Variants in ZNF385D observed in about 807,000 individuals in gnomAD.
The protein encoded by ZNF385D is zinc finger protein 385D, also known as zinc finger protein 659.
ZNF385D carries 15 observed loss-of-function variants against 35.8 expected under a neutral mutation model. That is an observed-to-expected ratio of 0.42 (90% CI 0.28 to 0.64). The LOEUF (loss-of-function observed/expected upper bound fraction) is 0.64. ZNF385D is among the 30% of genes least tolerant of loss of function. The pLI, the probability that ZNF385D is intolerant of heterozygous loss-of-function variation, is 0.23. For missense variants in ZNF385D, 474 were observed against 494.6 expected, an observed-to-expected ratio of 0.96 and a Z score of 0.39; for synonymous variants, 212 against 186.8, an observed-to-expected ratio of 1.13 and a Z score of -1.10.
chr3:21,954,205 G>A (rs115220990), intron 3 of ZNF385D, among the ~76,000 whole-genome samples: 4,493 of 151,684 alleles, frequency 0.03, 93 homozygotes, highest in Non-Finnish European at 0.044. Flanking sequence ...CAGTTTCTTT[G>A]CTGTAACAAG....
At chr3:22,003,413 AAG>A (rs1184798755) in intron 3 of ZNF385D, among the ~76,000 whole-genome samples, 3 of 152,218 alleles carry the variant, frequency 2.0e-5, no homozygotes, top group Non-Finnish European at 2.9e-5. Flanking sequence ...ACACTCATGA[AAG>A]AAATTAAAGA....
At chr3:21,704,578 G>A (rs766080313) in intron 1 of ZNF385D, among the ~76,000 whole-genome samples, 24 of 151,030 alleles carry the variant, frequency 1.6e-4, no homozygotes, top group Non-Finnish European at 2.5e-4. Context: ...GTGTGATCTC[G>A]GCTCACTGCA....
chr3:22,304,478 T>C (rs1213071233), intron 2 of ZNF385D, among the ~76,000 whole-genome samples: 1 of 152,204 alleles, frequency 6.6e-6, no homozygotes, highest in Non-Finnish European at 1.5e-5. Flanking sequence ...CCTTTACGTG[T>C]TACACATTTT....
At chr3:21,801,614 G>T (rs1333916470) in intron 3 of ZNF385D, among the ~76,000 whole-genome samples, 2 of 152,066 alleles carry the variant, frequency 1.3e-5, no homozygotes, top group African/African-American at 4.8e-5. Context: ...ATCTACTGTA[G>T]CAGAGCCATT....
At chr3:22,295,843 T>C (rs1013217938) in intron 2 of ZNF385D, among the ~76,000 whole-genome samples, 1 of 152,140 alleles carries the variant, frequency 6.6e-6, no homozygotes, top group Non-Finnish European at 1.5e-5. Context: ...CTACCACCCC[T>C]GCCTCACGGC....
At chr3:21,754,093 T>C (rs1455014350), upstream of ZNF385D, among the ~76,000 whole-genome samples, 1 of 152,214 alleles carries the variant, frequency 6.6e-6, no homozygotes, top group Admixed American at 6.5e-5. Context: ...CATCCACTAG[T>C]GGAAACCTTG....
chr3:22,132,351 T>G (rs1234228765), intron 3 of ZNF385D, among the ~76,000 whole-genome samples: 2 of 152,160 alleles, frequency 1.3e-5, no homozygotes, highest in East Asian at 3.9e-4. Context: ...GTGTTCTAAT[T>G]TTGGACTTCC....
chr3:21,429,219 AAACC>A (rs1300602576), intron 5 of ZNF385D, among the ~76,000 whole-genome samples: 1 of 151,968 alleles, frequency 6.6e-6, no homozygotes, highest in African/African-American at 2.4e-5. Flanking sequence ...TTTAAGGAAA[AAACC>A]CCCTAATTTC....
intron 3 of ZNF385D, among the ~76,000 whole-genome samples, chr3:22,001,104 A>G (rs562162005): frequency 9.9e-5 from 15 of 152,278 alleles, no homozygotes; most frequent in East Asian, 3.9e-4. Flanking sequence ...CAAAATAACC[A>G]GAAAGCAATT....
intron 4 of ZNF385D, among the ~76,000 whole-genome samples, chr3:21,492,166 C>T (rs959278829): frequency 6.6e-6 from 1 of 151,910 alleles, no homozygotes; most frequent in African/African-American, 2.4e-5. Context: ...ATCAGAAACT[C>T]CTTGTGCAGA....
intron 4 of ZNF385D, among the ~76,000 whole-genome samples, chr3:21,482,489 C>T (rs542994246): frequency 6.6e-6 from 1 of 152,268 alleles, no homozygotes; most frequent in South Asian, 2.1e-4. Flanking sequence ...GTCATCCTTG[C>T]CCATGGTCAC....
chr3:21,790,577 G>C (rs3849550), intron 3 of ZNF385D, among the ~76,000 whole-genome samples: 38,163 of 152,062 alleles, frequency 0.25, 5,013 homozygotes, highest in East Asian at 0.35. Context: ...CTAGGGCACA[G>C]AAGATGTGCA....
At chr3:21,770,117 C>G (rs914085802) in intron 3 of ZNF385D, among the ~76,000 whole-genome samples, 1 of 152,078 alleles carries the variant, frequency 6.6e-6, no homozygotes, top group Non-Finnish European at 1.5e-5. Flanking sequence ...CATGTTAGAC[C>G]TAAAACCATA....
intron 3 of ZNF385D, among the ~76,000 whole-genome samples, chr3:21,922,711 C>A (rs935289847): frequency 6.6e-5 from 10 of 152,104 alleles, no homozygotes; most frequent in Non-Finnish European, 1.2e-4. Flanking sequence ...GAAACACCAT[C>A]CAGGACATCT....
chr3:21,724,583 A>G (rs1413739089), intron 1 of ZNF385D, among the ~76,000 whole-genome samples: 1 of 151,434 alleles, frequency 6.6e-6, no homozygotes, highest in East Asian at 1.9e-4. Context: ...AAAAGAGACA[A>G]AAAGGGCATT....
intron 3 of ZNF385D, among the ~76,000 whole-genome samples, chr3:22,131,867 G>A (rs953289683): frequency 3.9e-5 from 6 of 152,098 alleles, no homozygotes; most frequent in Non-Finnish European, 7.4e-5. Flanking sequence ...TATAAGTCAG[G>A]GAAACATAAT....
At chr3:21,503,458 A>C (rs372135769) in intron 4 of ZNF385D, among the ~76,000 whole-genome samples, 3 of 152,250 alleles carry the variant, frequency 2.0e-5, no homozygotes, top group Non-Finnish European at 4.4e-5. Flanking sequence ...ATAGAAAACT[A>C]TTTGCTTGTT....
chr3:21,810,193 T>C (rs868850595), intron 3 of ZNF385D, among the ~76,000 whole-genome samples: 109 of 152,274 alleles, frequency 7.2e-4, no homozygotes, highest in African/African-American at 2.5e-3. Flanking sequence ...AAATACATCA[T>C]GATCAATTAG....
At chr3:21,550,293 G>GATT (rs1311133711) in intron 3 of ZNF385D, among the ~76,000 whole-genome samples, 2 of 151,996 alleles carry the variant, frequency 1.3e-5, no homozygotes, top group Non-Finnish European at 2.9e-5. Context: ...ATTAAGACAT[G>GATT]ATTTTAAGAA....
Sources: gnomAD v4.1 joint callset for allele counts (sites outside exome capture counted in the v4.1 genomes callset) on GRCh38, gnomAD v4.1.1 for gene constraint, MANE v1.5 for transcripts, NCBI Gene and HGNC (gene_info 2026-07-23, HGNC 2026-07-21) for gene names.